ATXN3: variants seen among roughly 807,000 people sequenced by gnomAD.
The protein encoded by ATXN3 is ataxin 3, also known as ataxin-3.
A neutral mutation model predicts 58.2 loss-of-function variants in ATXN3; 28 were observed. That is an observed-to-expected ratio of 0.48 (90% CI 0.36 to 0.66). The LOEUF (loss-of-function observed/expected upper bound fraction) is 0.66, where lower values mean the gene tolerates loss of function less well. Among genes scored for constraint, ATXN3 ranks in the 30% least tolerant of loss-of-function variants. ATXN3 has a pLI of 0.00. For synonymous variants in ATXN3, 113 were observed against 138.5 expected (o/e 0.82, Z 1.29); for missense variants, 321 against 422.1 (o/e 0.76, Z 2.10).
chr14:92,098,109 G>A (rs1350145807), intron 1 of ATXN3, among the ~76,000 whole-genome samples: 5 of 151,946 alleles, frequency 3.3e-5, no homozygotes, highest in Non-Finnish European at 1.5e-5. Context: ...AATTACTAAT[G>A]GTGAAAGGAA....
upstream of ATXN3, among the ~76,000 whole-genome samples, chr14:92,052,286 G>A (rs1320939550): frequency 1.3e-5 from 2 of 151,890 alleles, no homozygotes; most frequent in Admixed American, 1.3e-4. Context: ...CCTGAGGTTG[G>A]GAGTTTGAGA....
intron 9 of ATXN3, chr14:92,077,505 C>T (rs573712158): frequency 6.6e-6 from 1 of 152,268 alleles, no homozygotes; most frequent in Non-Finnish European, 1.5e-5. Flanking sequence ...TGCCACCACA[C>T]CCAGCTAATT....
intron 4 of ATXN3, 198 bp from the exon 5 acceptor site, chr14:92,093,516 T>G (rs1398413394): frequency 1.1e-5 from 7 of 622,340 alleles, no homozygotes; most frequent in Non-Finnish European, 2.0e-5. Flanking sequence ...GATGGCCTCA[T>G]GCACCACTTA....
Position 92,071,010 on chromosome 14 carries a change from C to CCTGCTGCCG in ATXN3, c.915_916insCGGCAGCAG (p.Gln305_Gly306insArgGlnGln). 6.9e-7 allele frequency: 1 copy of CCTGCTGCCG among 1,454,922 alleles called. No individual in the cohort carries two copies. The highest frequency in any genetic ancestry group is 1.2e-5 in the South Asian group (1 of 83,748). 90.1% of individuals were successfully genotyped at this position (1,454,922 alleles called of 1,614,324 possible). A position where few individuals can be genotyped will look rare whatever the true frequency, so the allele number is the denominator to read the frequency against. ...TGTGAACTCTGTCCTGATAGGTCCC[C>CCTGCTGCCG]CTGCTGCTGCTGCTGCTGCTGCTGT... On this transcript the variant is annotated inframe_insertion, in exon 10 of 11. Coordinates refer to ENST00000644486, the MANE Select transcript of ATXN3 (RefSeq NM_004993.6).
intron 9 of ATXN3, among the ~76,000 whole-genome samples, chr14:92,079,185 CA>C (rs35515547): frequency 4.9e-3 from 379 of 77,044 alleles, no homozygotes; most frequent in Non-Finnish European, 7.5e-3. Flanking sequence ...GACTCCATCT[CA>C]AAAAAAAAAA....
chr14:92,087,472 T>C (rs149310718), intron 6 of ATXN3, among the ~76,000 whole-genome samples: 51 of 152,288 alleles, frequency 3.3e-4, no homozygotes, highest in Non-Finnish European at 6.8e-4. Context: ...GATGGGTGAA[T>C]GGATGGATAG....
chr14:92,055,384 G>A (rs1434824951), downstream of ATXN3, among the ~76,000 whole-genome samples: 2 of 152,094 alleles, frequency 1.3e-5, no homozygotes, highest in Non-Finnish European at 2.9e-5. This position sits in a 1 kb window ranked among gnomAD's most constrained non-coding sequence, Gnocchi z 4.5. Context: ...ATTTTCAGTT[G>A]TTAAATGGTT....
chr14:92,082,984 A>T, intron 7 of ATXN3, 142 bp downstream of exon 7: 4 of 1,021,072 alleles, frequency 3.9e-6, no homozygotes, highest in Non-Finnish European at 5.6e-6. Flanking sequence ...ATTCAAGTTT[A>T]AACTAATAAA....
At chr14:92,051,714 C>CTTT (rs1309210142), upstream of ATXN3, among the ~76,000 whole-genome samples, 8 of 35,292 alleles carry the variant, frequency 2.3e-4, no homozygotes, top group African/African-American at 2.8e-4. Flanking sequence ...TCTTCTTTTC[C>CTTT]TTTCTTTTTT....
At chr14:92,079,731 G>C (rs2061097289) in intron 9 of ATXN3, among the ~76,000 whole-genome samples, 1 of 152,124 alleles carries the variant, frequency 6.6e-6, no homozygotes, top group South Asian at 2.1e-4. Context: ...TCTTTAACAT[G>C]AAGTTTTCTT....
chr14:92,093,929 T>C, intron 3 of ATXN3, 98 bp from the exon 4 acceptor site: 1 of 692,280 alleles, frequency 1.4e-6, no homozygotes. Context: ...TATAAATTTC[T>C]CTAGAAGGCT....
upstream of ATXN3, among the ~76,000 whole-genome samples, chr14:92,052,406 T>C (rs543571508): frequency 1.5e-3 from 229 of 152,118 alleles, no homozygotes; most frequent in African/African-American, 5.3e-3. Context: ...GAGAATCACT[T>C]GAACCCAGGA....
intron 1 of ATXN3, among the ~76,000 whole-genome samples, chr14:92,101,292 C>G (rs777061035): frequency 6.6e-6 from 1 of 152,160 alleles, no homozygotes; most frequent in Non-Finnish European, 1.5e-5. Context: ...GATTGTGCCA[C>G]TGTATTCTGG....
At position 92,101,102 on chromosome 14, in the gene ATXN3, G is replaced by A. The variant is rs569664546; in HGVS notation, c.25-4264C>T. 1.2e-4 allele frequency among the ~76,000 whole-genome samples: 19 copies of A among 152,224 alleles called. No homozygotes were observed. In the South Asian group the frequency reaches 3.1e-3, roughly 25 times the overall value. ...ATCAAAGAAAAACTGTATTGCTACA[G>A]GAAATATCAAGTTCTGTACTTCTAA... is the stretch of plus-strand genomic sequence containing the variant. On this transcript the variant is annotated intron_variant, in intron 1 of 10. Transcript: ENST00000644486.
At chr14:92,047,760 G>A (rs1043271351) in intron 2 of ATXN3, 1 of 152,212 alleles carries the variant, frequency 6.6e-6, no homozygotes, top group Non-Finnish European at 1.5e-5. Flanking sequence ...GTGCCAGAGT[G>A]GGGGAGTTTT....
At chr14:92,072,378 G>A (rs1392680384) in intron 9 of ATXN3, among the ~76,000 whole-genome samples, 1 of 152,076 alleles carries the variant, frequency 6.6e-6, no homozygotes, top group Non-Finnish European at 1.5e-5. Context: ...TGAAATTACA[G>A]GTCAAGCATC....
intron 6 of ATXN3, among the ~76,000 whole-genome samples, chr14:92,085,728 T>C (rs1072957): frequency 0.28 from 42,887 of 151,932 alleles, 6,346 homozygotes; most frequent in East Asian, 0.44. Context: ...ACTTTTTGGA[T>C]TTCCAAGTGG....
chr14:92,062,383 C>T lies in ATXN3; in HGVS notation c.*1937G>A, dbSNP rs2057840588. On this transcript the variant is annotated 3_prime_UTR_variant, in exon 11 of 11. Coordinates refer to ENST00000644486, the MANE Select transcript of ATXN3 (RefSeq NM_004993.6). ...ACTCTAAAGTTAAAACTTTAAAATG[C>T]ATATTGGTTTTCTCATTTTTATATT... 6.6e-6 allele frequency: 1 copy of T among 152,234 alleles called. No homozygotes were observed. The highest frequency in any genetic ancestry group is 2.1e-4 in the South Asian group (1 of 4,824). 9.4% of individuals were successfully genotyped at this position (152,234 alleles called of 1,614,324 possible).
intron 5 of ATXN3, among the ~76,000 whole-genome samples, chr14:92,091,632 TTA>T (rs969439634): frequency 4.1e-4 from 63 of 152,236 alleles, no homozygotes; most frequent in African/African-American, 1.3e-3. Context: ...TATTTACATT[TTA>T]AAAAAAACAG....
Sources: allele counts gnomAD v4.1 joint callset (sites outside exome capture counted in the v4.1 genomes callset), GRCh38; gene constraint gnomAD v4.1.1; non-coding constraint Gnocchi (gnomAD v3.1); transcripts MANE v1.5; gene names NCBI Gene and HGNC (gene_info 2026-07-23, HGNC 2026-07-21).